Variants in FHL2 observed in about 807,000 individuals in gnomAD.
FHL2 encodes the protein four and a half LIM domains 2, also known as four and a half LIM domains protein 2.
A neutral mutation model predicts 32.7 loss-of-function variants in FHL2; 20 were observed. The observed-to-expected ratio is 0.61, with a 90% CI of 0.43 to 0.89. The LOEUF is 0.89. Among genes scored for constraint, FHL2 ranks in the 40% least tolerant of loss-of-function variants. FHL2 has a pLI of 0.00. For missense variants in FHL2, 311 were observed against 358.6 expected, an observed-to-expected ratio of 0.87 and a Z score of 1.07; for synonymous variants, 123 against 128.1, an observed-to-expected ratio of 0.96 and a Z score of 0.27.
rs776436645 is a variant in FHL2, at chr2:105,386,329, G to A, written c.156+32C>T. On this transcript the variant is annotated intron_variant, in intron 3 of 6. Coordinates refer to ENST00000530340, the MANE Select transcript of FHL2 (RefSeq NM_001318895.3). ...AGAAACCCGTGTTTCCTAGGGGAGC[G>A]CCGGGGACCCGCAGAGGCCCGCAGC... is the stretch of plus-strand genomic sequence containing the variant. 38 of 1,607,296 alleles carry A rather than the reference G, an allele frequency of 2.4e-5. 1 individual carries two copies. The highest frequency in any genetic ancestry group is 2.0e-4 in the South Asian group (18 of 90,552).
intron 5 of FHL2, among the ~76,000 whole-genome samples, chr2:105,365,226 G>A (rs1027402160): frequency 6.6e-6 from 1 of 152,104 alleles, no homozygotes. Flanking sequence ...CTCCTCCATA[G>A]CACACTGCTC....
chr2:105,394,413 A>C lies in FHL2; in HGVS notation c.-25+2234T>G, dbSNP rs528165467. On this transcript the variant is annotated intron_variant, in intron 2 of 6. Transcript: ENST00000530340. The stretch of plus-strand genomic sequence containing the variant: ...TAAGACCCGGTCTCTAAAAAAAAAA[A>C]AAAATTTATATCAGTTGGATATGGT... 2.6e-3 allele frequency among the ~76,000 whole-genome samples: 395 copies of C among 152,092 alleles called. 3 individuals carry two copies. The highest frequency in any genetic ancestry group is 7.9e-3 in the Admixed American group (120 of 15,286).
chr2:105,405,866 A>G (rs1388309327), intron 1 of FHL2, among the ~76,000 whole-genome samples: 1 of 152,238 alleles, frequency 6.6e-6, no homozygotes, highest in African/African-American at 2.4e-5. Context: ...TGTCTTCTTT[A>G]CATTATCTGT....
At position 105,391,762 on chromosome 2, in the gene FHL2, T is replaced by C. The variant is rs1427704135; in HGVS notation, c.-25+4885A>G. Among the ~76,000 whole-genome samples, 3 of 152,282 alleles carry C rather than the reference T, an allele frequency of 2.0e-5. No homozygotes were observed. The East Asian group carries it at 5.8e-4, about 29-fold the overall frequency. ...ACATCTTGGTTCTACAAGGACTTAT[T>C]AACCTAATTGTGTACAATCCATTTA... On this transcript the variant is annotated intron_variant, in intron 2 of 6. Coordinates refer to ENST00000530340, the MANE Select transcript of FHL2 (RefSeq NM_001318895.3).
intron 1 of FHL2, among the ~76,000 whole-genome samples, chr2:105,434,392 T>C (rs1684526098): frequency 6.6e-6 from 1 of 152,152 alleles, no homozygotes; most frequent in Non-Finnish European, 1.5e-5. Context: ...GCCAACATGG[T>C]GAAACACTGT....
At chr2:105,387,089 A>C (rs1329447911) in intron 2 of FHL2, among the ~76,000 whole-genome samples, 2 of 151,994 alleles carry the variant, frequency 1.3e-5, no homozygotes, top group Non-Finnish European at 2.9e-5. Flanking sequence ...GAAAAGCACA[A>C]ATTATTTTTT....
At chr2:105,368,824 A>T in intron 4 of FHL2, among the ~76,000 whole-genome samples, 1 of 152,238 alleles carries the variant, frequency 6.6e-6, no homozygotes, top group East Asian at 1.9e-4. Context: ...TGGGGAAATA[A>T]GTATCAGGGA....
At chr2:105,415,843 C>A (rs1044678872) in intron 1 of FHL2, among the ~76,000 whole-genome samples, 2 of 152,178 alleles carry the variant, frequency 1.3e-5, no homozygotes, top group African/African-American at 4.8e-5. Flanking sequence ...CCGAATGGTA[C>A]CCCATGGTGG....
At chr2:105,423,857 C>T (rs982368425) in intron 1 of FHL2, among the ~76,000 whole-genome samples, 6 of 152,156 alleles carry the variant, frequency 3.9e-5, no homozygotes, top group Admixed American at 6.5e-5. Context: ...CTTCCTTACA[C>T]CTTGTACAAA....
intron 1 of FHL2, among the ~76,000 whole-genome samples, chr2:105,436,765 A>G (rs1684625044): frequency 6.6e-6 from 1 of 152,222 alleles, no homozygotes. Flanking sequence ...ATCTTTGAGT[A>G]GTAAGACTAT....
At chr2:105,406,824 C>G (rs1366072304) in intron 1 of FHL2, among the ~76,000 whole-genome samples, 1 of 152,172 alleles carries the variant, frequency 6.6e-6, no homozygotes, top group Non-Finnish European at 1.5e-5. Flanking sequence ...GAGGGGAGAG[C>G]CTTTCATCCT....
At chr2:105,397,995 T>C (rs961446874) in intron 1 of FHL2, among the ~76,000 whole-genome samples, 3 of 152,070 alleles carry the variant, frequency 2.0e-5, no homozygotes, top group Admixed American at 2.0e-4. Context: ...GTGAGATGTA[T>C]TGGGAGTTGT....
At chr2:105,403,572 G>A (rs924681965), upstream of FHL2, among the ~76,000 whole-genome samples, 6 of 152,194 alleles carry the variant, frequency 3.9e-5, no homozygotes, top group Non-Finnish European at 8.8e-5. Flanking sequence ...GAGTGCAGCA[G>A]GATCCCCTGC....
At chr2:105,420,877 G>A (rs919363105) in intron 1 of FHL2, among the ~76,000 whole-genome samples, 16 of 152,146 alleles carry the variant, frequency 1.1e-4, no homozygotes, top group South Asian at 4.1e-4. Context: ...AATGCTTCTC[G>A]CCTGCTGCTC....
chr2:105,394,373 G>A (rs1009026695), intron 2 of FHL2, among the ~76,000 whole-genome samples: 5 of 151,710 alleles, frequency 3.3e-5, no homozygotes, highest in African/African-American at 1.2e-4. Flanking sequence ...CTATACTCCA[G>A]CCTGGACCAC....
chr2:105,412,106 G>A (rs186248111), intron 1 of FHL2, among the ~76,000 whole-genome samples: 8 of 152,308 alleles, frequency 5.3e-5, no homozygotes, highest in Middle Eastern at 3.4e-3. Flanking sequence ...ATTGAAAGCA[G>A]GGTTTGGAAG....
chr2:105,363,233 C>T (rs944795008), intron 6 of FHL2, 52 bp downstream of exon 6: 2 of 1,579,866 alleles, frequency 1.3e-6, no homozygotes, highest in Admixed American at 3.4e-5. Flanking sequence ...AAATGCTAGG[C>T]CTTGTTCAAG....
At position 105,398,969 on chromosome 2, in the gene FHL2, C is replaced by G. The variant is rs768538453; in HGVS notation, c.-203G>C. ...GGGCGCAGGGGGTTGGAGGTACTCA[C>G]GGCACCGCAGCGGGCCGGGGACTCC... On this transcript the variant is annotated 5_prime_UTR_variant, in exon 1 of 7. Coordinates refer to ENST00000530340, the MANE Select transcript of FHL2 (RefSeq NM_001318895.3). The G allele has an allele frequency of 2.0e-6, 3 of 1,530,890 alleles. No individual in the cohort carries two copies. The highest frequency in any genetic ancestry group is 2.5e-5 in the South Asian group (2 of 79,986). The allele number at this position is 1,530,890 out of a possible 1,614,324, so 94.8% of individuals were successfully genotyped here.
intron 3 of FHL2, among the ~76,000 whole-genome samples, chr2:105,380,133 C>A (rs1345429912): frequency 6.6e-6 from 1 of 152,096 alleles, no homozygotes; most frequent in East Asian, 1.9e-4. Flanking sequence ...CTCAATACTG[C>A]CAGGTTTGAT....
Sources: allele counts gnomAD v4.1 joint callset (sites outside exome capture counted in the v4.1 genomes callset), GRCh38; gene constraint gnomAD v4.1.1; transcripts MANE v1.5; gene names NCBI Gene and HGNC (gene_info 2026-07-23, HGNC 2026-07-21).